NEGR1: variants seen among roughly 807,000 people sequenced by gnomAD.
NEGR1 encodes the protein IgLON family member 4.
Under a neutral mutation model 40.9 loss-of-function variants are expected in NEGR1, and 10 were observed. The observed-to-expected ratio is 0.24, with a 90% CI of 0.15 to 0.42. NEGR1 has a LOEUF of 0.42. Ranked by LOEUF, NEGR1 falls within the 10% of genes least tolerant of loss-of-function variation. The pLI is 1.00. For missense variants in NEGR1, 352 were observed against 438.9 expected (o/e 0.80, Z 1.77); for synonymous variants, 185 against 166.8 (o/e 1.11, Z -0.84).
chr1:71,818,228 T>A (rs763185422), intron 2 of NEGR1, among the ~76,000 whole-genome samples: 1 of 151,984 alleles, frequency 6.6e-6, no homozygotes, highest in African/African-American at 2.4e-5. Flanking sequence ...TAAAGACGTA[T>A]ACATGAGTAT....
At chr1:71,559,869 C>G (rs1033341781) in intron 6 of NEGR1, among the ~76,000 whole-genome samples, 6 of 151,208 alleles carry the variant, frequency 4.0e-5, no homozygotes, top group African/African-American at 1.5e-4. Context: ...ATTCCAAATG[C>G]TATGCGTATT....
In NEGR1 at chr1:71,905,502, C is replaced by T. The variant is rs548257312; in HGVS notation, c.409+29577G>A. 7.2e-5 allele frequency among the ~76,000 whole-genome samples: 11 copies of T among 151,744 alleles called. No homozygotes were observed. In the South Asian group the frequency reaches 2.1e-3, roughly 29 times the overall value. On this transcript the variant is annotated intron_variant, in intron 2 of 6. Coordinates refer to ENST00000357731, the MANE Select transcript of NEGR1 (RefSeq NM_173808.3). Reference sequence around the variant, plus strand: ...TTTTCCTCTTCTACAGAATCTAATCCTTAGAACAATGTAAATATAATCAAT... The same window carrying T: ...TTTTCCTCTTCTACAGAATCTAATCTTTAGAACAATGTAAATATAATCAAT...
intron 6 of NEGR1, among the ~76,000 whole-genome samples, chr1:71,419,607 A>G (rs370983540): frequency 5.3e-4 from 80 of 152,242 alleles, no homozygotes; most frequent in Middle Eastern, 6.8e-3. Context: ...TTACACTATC[A>G]TCATTTTGGT....
intron 1 of NEGR1, among the ~76,000 whole-genome samples, chr1:72,016,127 T>C (rs1360486000): frequency 6.6e-6 from 1 of 152,166 alleles, no homozygotes; most frequent in Non-Finnish European, 1.5e-5. Context: ...CAGTCACTGA[T>C]AGGTTTGAAT....
chr1:71,790,336 A>T lies in NEGR1; in HGVS notation c.410-14039T>A, dbSNP rs1034948659. ...GTTTTCTGAATTTTAAGCAACTTGGATGTATCTCTGGGAGACACATTTAAT... is the reference window on the plus strand; with the variant it reads ...GTTTTCTGAATTTTAAGCAACTTGGTTGTATCTCTGGGAGACACATTTAAT... On this transcript the variant is annotated intron_variant, in intron 2 of 6. Coordinates refer to ENST00000357731, the MANE Select transcript of NEGR1 (RefSeq NM_173808.3). Among the ~76,000 whole-genome samples the T allele has an allele frequency of 2.0e-5, 3 of 152,114 alleles. No homozygotes were observed. In the South Asian group the frequency reaches 6.2e-4, roughly 31 times the overall value.
chr1:72,238,996 G>A (rs1032848096), intron 1 of NEGR1, among the ~76,000 whole-genome samples: 4 of 151,764 alleles, frequency 2.6e-5, no homozygotes, highest in Non-Finnish European at 1.5e-5. Flanking sequence ...TCCTTCCTGA[G>A]CATTTTTCAT....
intron 1 of NEGR1, among the ~76,000 whole-genome samples, chr1:71,995,122 CT>C (rs781175443): frequency 2.9e-4 from 44 of 151,796 alleles, no homozygotes; most frequent in Non-Finnish European, 6.0e-4. Context: ...ACCATGAATG[CT>C]TTTACCCACA....
chr1:71,497,676 T>C (rs916512316), intron 6 of NEGR1, among the ~76,000 whole-genome samples: 22 of 151,984 alleles, frequency 1.4e-4, no homozygotes, highest in African/African-American at 5.3e-4. Context: ...AAATGCACAG[T>C]TGCAAAATTC....
chr1:72,250,024 C>A (rs527391471), intron 1 of NEGR1, among the ~76,000 whole-genome samples: 2 of 152,206 alleles, frequency 1.3e-5, no homozygotes, highest in African/African-American at 4.8e-5. Flanking sequence ...TGTGAAGATA[C>A]TTTTAGGATG....
At chr1:72,021,980 A>T (rs1198757201) in intron 1 of NEGR1, among the ~76,000 whole-genome samples, 1 of 151,644 alleles carries the variant, frequency 6.6e-6, no homozygotes, top group Non-Finnish European at 1.5e-5. Flanking sequence ...CTAAAAATAC[A>T]AAAAATTAGC....
At position 72,216,212 on chromosome 1, in the gene NEGR1, G is replaced by A. The variant is rs188630464; in HGVS notation, c.176+66107C>T. 2.4e-3 allele frequency among the ~76,000 whole-genome samples: 367 copies of A among 151,388 alleles called. 3 individuals are homozygous for A. The highest frequency in any genetic ancestry group is 8.5e-3 in the African/African-American group (350 of 41,302). On this transcript the variant is annotated intron_variant, in intron 1 of 6. Transcript: ENST00000357731. ...TCACCCACCGGGGTATGTCAGGGGTGGCAGGCAAGGGGAGGGAGAGCATTA... is the reference window on the plus strand; with the variant it reads ...TCACCCACCGGGGTATGTCAGGGGTAGCAGGCAAGGGGAGGGAGAGCATTA...
chr1:71,845,880 C>T (rs575182535), intron 2 of NEGR1, among the ~76,000 whole-genome samples: 15 of 146,994 alleles, frequency 1.0e-4, no homozygotes, highest in African/African-American at 3.8e-4. Context: ...CCACCTCAGT[C>T]TTTCATGTAG....
intron 1 of NEGR1, among the ~76,000 whole-genome samples, chr1:72,257,406 T>C (rs1655311320): frequency 6.6e-6 from 1 of 151,424 alleles, no homozygotes; most frequent in Middle Eastern, 3.4e-3. Context: ...GAAAAAAATG[T>C]GTGAGTTGAT....
chr1:71,726,883 A>G (rs1654694302), intron 3 of NEGR1, among the ~76,000 whole-genome samples: 1 of 152,226 alleles, frequency 6.6e-6, no homozygotes, highest in Non-Finnish European at 1.5e-5. Context: ...AAAAAATGCT[A>G]CGCATGTAAA....
At chr1:71,955,464 G>A (rs777873685) in intron 1 of NEGR1, among the ~76,000 whole-genome samples, 2 of 151,960 alleles carry the variant, frequency 1.3e-5, no homozygotes, top group Non-Finnish European at 2.9e-5. Flanking sequence ...CAAACTCCCC[G>A]AAGGCAACCT....
intron 6 of NEGR1, among the ~76,000 whole-genome samples, chr1:71,436,513 C>T (rs2101304909): frequency 6.6e-6 from 1 of 152,254 alleles, no homozygotes; most frequent in South Asian, 2.1e-4. Context: ...GACACAATCA[C>T]TGAAACTAAA....
At chr1:72,231,809 AGAAGAAAT>A (rs1452319858) in intron 1 of NEGR1, among the ~76,000 whole-genome samples, 2 of 152,300 alleles carry the variant, frequency 1.3e-5, no homozygotes. Context: ...AATGGCAAAT[AGAAGAAAT>A]GAAGAAATGA....
intron 6 of NEGR1, among the ~76,000 whole-genome samples, chr1:71,446,821 G>T (rs141586272): frequency 6.6e-6 from 1 of 152,120 alleles, no homozygotes; most frequent in Non-Finnish European, 1.5e-5. Context: ...TAGCCTCATC[G>T]ATAAGAGTAA....
At chr1:71,431,563 T>TTCATTCATTC (rs1557523696) in intron 6 of NEGR1, among the ~76,000 whole-genome samples, 7 of 52,002 alleles carry the variant, frequency 1.3e-4, no homozygotes, top group Admixed American at 2.7e-4. Flanking sequence ...TCCATCTGTT[T>TTCATTCATTC]ATCCATTCAT....
Sources: gnomAD v4.1 joint callset for allele counts (sites outside exome capture counted in the v4.1 genomes callset) on GRCh38, gnomAD v4.1.1 for gene constraint, MANE v1.5 for transcripts, NCBI Gene and HGNC (gene_info 2026-07-23, HGNC 2026-07-21) for gene names.